Variants in MYSM1 observed in about 807,000 individuals in gnomAD.
The protein encoded by MYSM1 is Myb like, SWIRM and MPN domains 1.
A neutral mutation model predicts 116.0 loss-of-function variants in MYSM1; 51 were observed. The ratio of observed to expected loss-of-function variants is 0.44; its 90% CI spans 0.35 to 0.56. The LOEUF (loss-of-function observed/expected upper bound fraction) is 0.56, where lower values mean the gene tolerates loss of function less well. Ranked by LOEUF, MYSM1 falls within the 20% of genes least tolerant of loss-of-function variation. The pLI is 0.00. For synonymous variants in MYSM1, 313 were observed against 315.2 expected (o/e 0.99, Z 0.07); for missense variants, 900 against 974.9 (o/e 0.92, Z 1.02).
At chr1:58,697,061 T>C (rs1289420616) in intron 1 of MYSM1, among the ~76,000 whole-genome samples, 2 of 152,160 alleles carry the variant, frequency 1.3e-5, no homozygotes, top group South Asian at 2.1e-4. Flanking sequence ...CAATAACTTA[T>C]AGCTACAGGA....
chr1:58,695,629 C>T (rs1644963038), intron 1 of MYSM1, among the ~76,000 whole-genome samples: 1 of 149,886 alleles, frequency 6.7e-6, no homozygotes, highest in South Asian at 2.1e-4. Flanking sequence ...TTATAAAAAC[C>T]ACCATCAATA....
intron 17 of MYSM1, among the ~76,000 whole-genome samples, chr1:58,664,731 G>T (rs1241851500): frequency 6.6e-6 from 1 of 152,082 alleles, no homozygotes; most frequent in African/African-American, 2.4e-5. Flanking sequence ...AGAAAAAATG[G>T]GTACAATACA....
chr1:58,693,578 ATT>A (rs1479764347), intron 2 of MYSM1, among the ~76,000 whole-genome samples: 1 of 152,136 alleles, frequency 6.6e-6, no homozygotes, highest in Non-Finnish European at 1.5e-5. Context: ...ATCATTGTGG[ATT>A]CTTTCCTTTT....
At chr1:58,679,009 G>A (rs529289) in intron 8 of MYSM1, among the ~76,000 whole-genome samples, 8,765 of 152,160 alleles carry the variant, frequency 0.058, 784 homozygotes, top group African/African-American at 0.2. Context: ...GATGATTTAA[G>A]TACAGTACAT....
intron 10 of MYSM1, 52 bp downstream of exon 10, chr1:58,675,425 A>G: frequency 1.5e-6 from 2 of 1,353,122 alleles, no homozygotes; most frequent in Admixed American, 1.9e-5. Flanking sequence ...AAACCACACT[A>G]AACAGAGTAA....
chr1:58,673,441 AC>A lies in MYSM1; in HGVS notation c.1572+131del, dbSNP rs1379535356. 1.1e-5 allele frequency: 8 copies of A among 753,724 alleles called. No individual in the cohort carries two copies. In the Admixed American group the frequency reaches 1.2e-4, roughly 11 times the overall value. The allele number at this position is 753,724 out of a possible 1,614,324, so 46.7% of individuals were successfully genotyped here. A position where few individuals can be genotyped will look rare whatever the true frequency, so the allele number is the denominator to read the frequency against. On this transcript the variant is annotated intron_variant, in intron 11 of 19. Coordinates refer to ENST00000472487, the MANE Select transcript of MYSM1 (RefSeq NM_001085487.3). Reference sequence around the variant, plus strand: ...TTTGGTGTTTACTGGTGACTTCCAGACAAATTAACATGGGAATGAACACATA... The same window carrying A: ...TTTGGTGTTTACTGGTGACTTCCAGAAAATTAACATGGGAATGAACACATA...
chr1:58,668,911 A>C (rs1644513426), intron 13 of MYSM1, 73 bp downstream of exon 13: 1 of 1,200,830 alleles, frequency 8.3e-7, no homozygotes, highest in Middle Eastern at 1.9e-4. Flanking sequence ...ACATACGGAA[A>C]AAGAGTAAGC....
chr1:58,667,140 G>A lies in MYSM1; in HGVS notation c.1929C>T (p.Thr643=). 2 of 1,613,434 alleles carry A rather than the reference G, an allele frequency of 1.2e-6. No homozygotes were observed. The highest frequency in any genetic ancestry group is 1.7e-5 in the Admixed American group (1 of 59,980). Residue 643 remains threonine (T), a synonymous_variant, in exon 16 of 20, where the codon ACC becomes ACT. Transcript: ENST00000472487. ...DPVSQTQASE[T]LAVRGFSVIG... is the part of the protein sequence containing the mutation. The stretch of plus-strand genomic sequence containing the variant: ...TAACACTGAAGCCTCTAACAGCCAA[G>A]GTTTCTGAGGCCTGTGTTTGTGATA...
rs113216616 is a variant in MYSM1 at position 58,681,172 on chromosome 1, A to T, written c.1259+613T>A. Among the ~76,000 whole-genome samples the T allele has an allele frequency of 1.9e-3, 286 of 152,326 alleles. 1 individual carries two copies. The highest frequency in any genetic ancestry group is 6.0e-3 in the African/African-American group (249 of 41,570). On this transcript the variant is annotated intron_variant, in intron 8 of 19. Transcript: ENST00000472487. ...AATGATGGTTTAATTAAGCTGTTTT[A>T]AAAAATTCAAATTAGGCTAGTAAGG...
chr1:58,695,298 G>C (rs1224088145), intron 1 of MYSM1, 91 bp from the exon 2 acceptor site: 7 of 748,466 alleles, frequency 9.4e-6, no homozygotes, highest in Middle Eastern at 5.3e-4. Flanking sequence ...AGGTAGTAAG[G>C]GAACTAAGCA....
Position 58,675,579 on chromosome 1 carries a change from T to C in MYSM1, c.1392A>G (p.Glu464=). The C allele has an allele frequency of 6.2e-7, 1 of 1,611,460 alleles. No homozygotes were observed. Among genetic ancestry groups the C allele is most frequent in the Non-Finnish European group, 8.5e-7 (1 of 1,178,136 alleles). Residue 464 remains glutamate (E), a splice_region_variant and synonymous_variant, in exon 10 of 20, where the codon GAA becomes GAG. Coordinates refer to ENST00000472487, the MANE Select transcript of MYSM1 (RefSeq NM_001085487.3). ...ELIGAINFGC[E]QAVYNRPQTV... ...TTTGTGGCCTATTATACACAGCCTG[T>C]TCTATTGGAATTCAGGAAAGATAAA... is the stretch of plus-strand genomic sequence containing the variant.
rs1393105628 is a variant in MYSM1 at position 58,659,986 on chromosome 1, C to A, written c.*11G>T. The A allele has an allele frequency of 8.8e-6, 13 of 1,480,132 alleles. No homozygotes were observed. The highest frequency in any genetic ancestry group is 1.2e-5 in the Non-Finnish European group (13 of 1,102,964). 91.7% of individuals were successfully genotyped at this position (1,480,132 alleles called of 1,614,324 possible). On this transcript the variant is annotated 3_prime_UTR_variant, in exon 20 of 20. Coordinates refer to ENST00000472487, the MANE Select transcript of MYSM1 (RefSeq NM_001085487.3). ...CTGTGTCAAGATTAAAATGTCTTAA[C>A]TTTAAAATAATCACATTAACAATTC...
At position 58,690,380 on chromosome 1, in the gene MYSM1, A is replaced by G; in HGVS notation, c.256T>C (p.Trp86Arg). ...TTATCATCTTCCTTTTGATCAAGCC[A>G]GACTTTTTCCGGTTGTGATTTTTTA... ...LSKKSQPEKV[W>R]LDQKEDDKKY... is the part of the protein sequence containing the mutation. Residue 86 changes from tryptophan (W) to arginine (R), a missense_variant, in exon 4 of 20, where the codon TGG (tryptophan) becomes CGG (arginine). By Grantham distance (101) the Trp-to-Arg change is moderately radical. Around this residue, in one of 3 missense-constraint regions of MYSM1, gnomAD observed 622 missense variants for 623.7 expected, o/e 1.00. Transcript: ENST00000472487. The G allele has an allele frequency of 1.2e-6, 2 of 1,603,630 alleles. No individual in the cohort carries two copies. The highest frequency in any genetic ancestry group is 1.1e-5 in the South Asian group (1 of 88,798).
intron 12 of MYSM1, among the ~76,000 whole-genome samples, 155 bp from the exon 13 acceptor site, chr1:58,669,193 C>A (rs1644518687): frequency 6.6e-6 from 1 of 150,888 alleles, no homozygotes; most frequent in African/African-American, 2.5e-5. Context: ...TCGAAAGAAG[C>A]ACTGTTCTTT....
At chr1:58,669,744 C>CT (rs1279664553) in intron 12 of MYSM1, among the ~76,000 whole-genome samples, 2 of 140,628 alleles carry the variant, frequency 1.4e-5, no homozygotes, top group South Asian at 2.4e-4. Flanking sequence ...GGGAGGATCA[C>CT]TTAAGCCCAG....
chr1:58,695,239 G>GA lies in MYSM1; in HGVS notation c.69-33dup, dbSNP rs1644958029. 6 of 1,358,704 alleles carry GA rather than the reference G, an allele frequency of 4.4e-6. No homozygotes were observed. The African/African-American group carries it at 8.6e-5, about 19-fold the overall frequency. The allele number at this position is 1,358,704 out of a possible 1,614,324, so 84.2% of individuals were successfully genotyped here. On this transcript the variant is annotated intron_variant, in intron 1 of 19. Transcript: ENST00000472487. ...TAATTAAGAAAATGAGTATATAAGT[G>GA]AAAATCATATTAGTTAATGAATGTA...
At chr1:58,695,256 A>G in intron 1 of MYSM1, 49 bp from the exon 2 acceptor site, 1 of 1,211,968 alleles carries the variant, frequency 8.3e-7, no homozygotes, top group Non-Finnish European at 1.2e-6. Context: ...ATATTAGTTA[A>G]TGAATGTAAC....
Position 58,671,277 on chromosome 1 carries a change from A to G in MYSM1, c.1661+593T>C, listed in dbSNP as rs148970379. Among the ~76,000 whole-genome samples, 743 of 152,292 alleles carry G rather than the reference A, an allele frequency of 4.9e-3. 10 individuals carry two copies. Among genetic ancestry groups the G allele is most frequent in the African/African-American group, 0.017 (696 of 41,578 alleles). On this transcript the variant is annotated intron_variant, in intron 12 of 19. Coordinates refer to ENST00000472487, the MANE Select transcript of MYSM1 (RefSeq NM_001085487.3). ...ATAAAGTGCTTAAAATACAGCTAAC[A>G]GTGTTATTTAAATTATTGTTTAATA...
intron 1 of MYSM1, among the ~76,000 whole-genome samples, chr1:58,698,335 C>T (rs1197799730): frequency 2.0e-5 from 3 of 149,572 alleles, no homozygotes; most frequent in Non-Finnish European, 4.5e-5. Context: ...CTCCTGACCT[C>T]GTGATCTGCC....
Sources: gnomAD v4.1 joint callset for allele counts (sites outside exome capture counted in the v4.1 genomes callset) on GRCh38, gnomAD v4.1.1 for gene constraint, gnomAD v4.1.1 regional missense constraint, MANE v1.5 for transcripts, NCBI Gene and HGNC (gene_info 2026-07-23, HGNC 2026-07-21) for gene names.